The following CNTN4 variants were observed in gnomAD, a reference collection of about 807,000 sequenced individuals.
CNTN4 encodes contactin-4.
Under a neutral mutation model 122.5 loss-of-function variants are expected in CNTN4, and 77 were observed. That is an observed-to-expected ratio of 0.63 (90% confidence interval 0.52 to 0.76). The LOEUF (loss-of-function observed/expected upper bound fraction) is 0.76, where lower values mean the gene tolerates loss of function less well. Ranked by LOEUF, CNTN4 falls within the 30% of genes least tolerant of loss-of-function variation. The probability of loss-of-function intolerance (pLI) is 0.00; values close to 1 mark genes in which losing one functional copy is unlikely to be tolerated. For missense variants in CNTN4, 1,256 were observed against 1,259.1 expected, an observed-to-expected ratio of 1.00 and a Z score of 0.04; for synonymous variants, 512 against 447.0, an observed-to-expected ratio of 1.15 and a Z score of -1.83.
chr3:2,455,088 C>G (rs566424241), intron 3 of CNTN4, among the ~76,000 whole-genome samples: 1 of 152,098 alleles, frequency 6.6e-6, no homozygotes, highest in Non-Finnish European at 1.5e-5. Context: ...AACTAATCAT[C>G]GCTGGATTGC....
chr3:2,431,648 G>C (rs771640908), intron 3 of CNTN4, among the ~76,000 whole-genome samples: 1 of 152,132 alleles, frequency 6.6e-6, no homozygotes, highest in Non-Finnish European at 1.5e-5. Context: ...TATGCTTGCC[G>C]CTGAGGACAC....
chr3:2,933,568 G>A (rs987385914), intron 13 of CNTN4, among the ~76,000 whole-genome samples: 1 of 152,136 alleles, frequency 6.6e-6, no homozygotes, highest in African/African-American at 2.4e-5. Flanking sequence ...AGTGAGTTTG[G>A]AGTCCCAAGA....
At chr3:2,315,069 A>G (rs949111143) in intron 2 of CNTN4, among the ~76,000 whole-genome samples, 1 of 152,112 alleles carries the variant, frequency 6.6e-6, no homozygotes, top group African/African-American at 2.4e-5. Context: ...TGTACATCAA[A>G]AAGAAACATG....
intron 3 of CNTN4, among the ~76,000 whole-genome samples, chr3:2,418,396 G>A (rs1031239454): frequency 7.9e-5 from 12 of 152,108 alleles, no homozygotes; most frequent in African/African-American, 2.7e-4. Context: ...ATTTACAAAT[G>A]CTAACTAAGA....
chr3:2,835,116 A>G (rs1464413895), intron 7 of CNTN4, among the ~76,000 whole-genome samples: 1 of 151,426 alleles, frequency 6.6e-6, no homozygotes, highest in African/African-American at 2.4e-5. Flanking sequence ...CGTGTTAGCC[A>G]GGATGGTCTC....
At chr3:2,110,830 G>A (rs2032892271) in intron 2 of CNTN4, among the ~76,000 whole-genome samples, 1 of 152,094 alleles carries the variant, frequency 6.6e-6, no homozygotes, top group Non-Finnish European at 1.5e-5. Context: ...CTGAGGTACT[G>A]AGAGTAAGAT....
intron 3 of CNTN4, among the ~76,000 whole-genome samples, chr3:2,363,481 A>G (rs1225807941): frequency 1.3e-5 from 2 of 152,224 alleles, no homozygotes; most frequent in African/African-American, 2.4e-5. Context: ...TCTCTGCAAC[A>G]TGGAGGAGCT....
At chr3:2,497,251 C>G (rs1179855959) in intron 3 of CNTN4, among the ~76,000 whole-genome samples, 1 of 152,048 alleles carries the variant, frequency 6.6e-6, no homozygotes, top group Non-Finnish European at 1.5e-5. Context: ...TTTCTTCTCA[C>G]TACAACCTTT....
intron 7 of CNTN4, among the ~76,000 whole-genome samples, chr3:2,849,572 A>G (rs1432912520): frequency 6.6e-6 from 1 of 152,166 alleles, no homozygotes; most frequent in East Asian, 1.9e-4. Flanking sequence ...CACTGATGGG[A>G]GCAGAAAGAA....
chr3:2,716,114 G>A (rs957672450), intron 4 of CNTN4, among the ~76,000 whole-genome samples: 3 of 151,988 alleles, frequency 2.0e-5, no homozygotes, highest in East Asian at 1.9e-4. Flanking sequence ...ACAGGTGTGC[G>A]CTACCATGCC....
intron 2 of CNTN4, among the ~76,000 whole-genome samples, chr3:2,116,293 A>G (rs186094782): frequency 6.6e-6 from 1 of 152,146 alleles, no homozygotes; most frequent in East Asian, 1.9e-4. Flanking sequence ...ACATGTTATG[A>G]ATGTCACTCC....
intron 3 of CNTN4, among the ~76,000 whole-genome samples, chr3:2,465,685 A>T (rs543331082): frequency 6.6e-6 from 1 of 152,324 alleles, no homozygotes; most frequent in African/African-American, 2.4e-5. Context: ...TCAAAAAAAT[A>T]AAAAATTCAA....
chr3:2,442,076 A>G (rs912816290), intron 3 of CNTN4, among the ~76,000 whole-genome samples: 3 of 152,198 alleles, frequency 2.0e-5, no homozygotes, highest in Admixed American at 1.3e-4. Flanking sequence ...CTGGATATGA[A>G]ACAAAATTGA....
intron 3 of CNTN4, among the ~76,000 whole-genome samples, chr3:2,451,591 T>G (rs1340607307): frequency 6.6e-6 from 1 of 151,992 alleles, no homozygotes; most frequent in African/African-American, 2.4e-5. Context: ...TTTTATCAAA[T>G]TTTTAATAAA....
chr3:3,046,963 C>T (rs1700727203), intron 23 of CNTN4, among the ~76,000 whole-genome samples: 1 of 140,718 alleles, frequency 7.1e-6, no homozygotes, highest in Admixed American at 7.1e-5. Context: ...AAAAAAAAGG[C>T]AGGGGTTGCA....
chr3:2,348,790 A>T (rs956232405), intron 3 of CNTN4, among the ~76,000 whole-genome samples: 1 of 152,184 alleles, frequency 6.6e-6, no homozygotes, highest in Non-Finnish European at 1.5e-5. Context: ...TCATATCTTA[A>T]TATGAACTAA....
At chr3:2,976,894 A>C (rs1192285401) in intron 13 of CNTN4, among the ~76,000 whole-genome samples, 2 of 151,998 alleles carry the variant, frequency 1.3e-5, no homozygotes, top group African/African-American at 2.4e-5. Flanking sequence ...TTCAGAGAAA[A>C]GTCTTGGTGT....
intron 4 of CNTN4, among the ~76,000 whole-genome samples, chr3:2,639,656 A>G (rs1268837790): frequency 2.0e-5 from 3 of 152,248 alleles, no homozygotes; most frequent in Non-Finnish European, 4.4e-5. Flanking sequence ...TACTCGATGC[A>G]TATTTATTAA....
intron 2 of CNTN4, among the ~76,000 whole-genome samples, chr3:2,200,231 A>C (rs2149384845): frequency 6.6e-6 from 1 of 152,212 alleles, no homozygotes; most frequent in East Asian, 1.9e-4. Flanking sequence ...AGATTTTGAG[A>C]TATGTTTGAG....
Sources: allele counts gnomAD v4.1 joint callset (sites outside exome capture counted in the v4.1 genomes callset), GRCh38; gene constraint gnomAD v4.1.1; transcripts MANE v1.5; gene names NCBI Gene and HGNC (gene_info 2026-07-23, HGNC 2026-07-21).